The following CNBD1 variants were observed in gnomAD, a reference collection of about 807,000 sequenced individuals.
CNBD1 encodes cyclic nucleotide binding domain containing 1, also known as cyclic nucleotide-binding domain-containing protein 1.
A neutral mutation model predicts 54.4 loss-of-function variants in CNBD1; 71 were observed. The observed-to-expected ratio is 1.30, with a 90% CI of 1.08 to 1.59. CNBD1 has a LOEUF of 1.59. Among genes scored for constraint, CNBD1 ranks in the 40% most tolerant of loss-of-function variants. The pLI, the probability that CNBD1 is intolerant of heterozygous loss-of-function variation, is 0.00. For synonymous variants in CNBD1, 182 were observed against 170.7 expected (o/e 1.07, Z -0.51); for missense variants, 659 against 518.0 (o/e 1.27, Z -2.64).
chr8:87,417,898 A>G (rs1807862512), intron 2 of CNBD1, among the ~76,000 whole-genome samples: 1 of 107,262 alleles, frequency 9.3e-6, no homozygotes, highest in Non-Finnish European at 1.8e-5. Context: ...TTATTGAAAT[A>G]AATTAGAGAA....
At chr8:87,147,661 T>C (rs1812518107) in intron 4 of CNBD1, among the ~76,000 whole-genome samples, 1 of 152,178 alleles carries the variant, frequency 6.6e-6, no homozygotes, top group Non-Finnish European at 1.5e-5. Context: ...GTAATTTATT[T>C]CTGTCTAGTC....
chr8:87,326,272 A>G (rs1475561120), intron 8 of CNBD1, among the ~76,000 whole-genome samples: 1 of 122,466 alleles, frequency 8.2e-6, no homozygotes, highest in Non-Finnish European at 1.8e-5. Context: ...GAATCTGACA[A>G]TGATGTGTCT....
At chr8:86,879,480 G>C (rs1808571180) in intron 1 of CNBD1, among the ~76,000 whole-genome samples, 1 of 152,150 alleles carries the variant, frequency 6.6e-6, no homozygotes, top group Non-Finnish European at 1.5e-5. Flanking sequence ...CTAAAAGTAT[G>C]GATGAGTTTT....
intron 2 of CNBD1, among the ~76,000 whole-genome samples, chr8:86,892,243 G>T (rs1285107463): frequency 2.0e-5 from 3 of 151,892 alleles, no homozygotes; most frequent in Non-Finnish European, 4.4e-5. Flanking sequence ...TCTGTTGAGG[G>T]TTTTTATTAT....
Position 87,284,701 on chromosome 8 carries a change from G to A in CNBD1, c.795G>A (p.Gly265=), listed in dbSNP as rs1241962184. 3 of 1,605,792 alleles carry A rather than the reference G, an allele frequency of 1.9e-6. No homozygotes were observed. The highest frequency in any genetic ancestry group is 2.6e-6 in the Non-Finnish European group (3 of 1,176,442). The change falls in exon 7 of 11, where the codon GGG becomes GGA. Residue 265 remains glycine, a synonymous_variant. Coordinates refer to ENST00000518476, the MANE Select transcript of CNBD1 (RefSeq NM_173538.3). ...DSMLSKWSTF[G]TLEVMPQNES... ...AGCTTAGCAAATGGAGTACCTTTGG[G>A]ACTCTGGAAGTTATGCCTCAGAATG...
chr8:86,929,121 T>C (rs1809415198), intron 3 of CNBD1, among the ~76,000 whole-genome samples: 1 of 152,196 alleles, frequency 6.6e-6, no homozygotes, highest in Non-Finnish European at 1.5e-5. Context: ...CCAATGGTTT[T>C]CTTCTGCCTT....
chr8:86,953,050 G>A (rs868408226), intron 4 of CNBD1, among the ~76,000 whole-genome samples: 1 of 152,146 alleles, frequency 6.6e-6, no homozygotes, highest in African/African-American at 2.4e-5. Context: ...GATCCATGTT[G>A]TGTTGCATAA....
At chr8:86,968,004 GTGGGCC>G (rs1016529372) in intron 4 of CNBD1, among the ~76,000 whole-genome samples, 46 of 152,230 alleles carry the variant, frequency 3.0e-4, no homozygotes, top group African/African-American at 1.1e-3. Context: ...TGGTGAGCTT[GTGGGCC>G]TGGACTGGGA....
intron 8 of CNBD1, among the ~76,000 whole-genome samples, chr8:87,328,451 T>C (rs1809740907): frequency 6.6e-6 from 1 of 152,014 alleles, no homozygotes; most frequent in Non-Finnish European, 1.5e-5. Context: ...TAATTTTTTT[T>C]CTGGGCTTTT....
At chr8:86,892,099 AAAG>A (rs1182934558) in intron 2 of CNBD1, among the ~76,000 whole-genome samples, 2 of 152,134 alleles carry the variant, frequency 1.3e-5, no homozygotes, top group South Asian at 2.1e-4. Flanking sequence ...ACTGTGTTGA[AAAG>A]AAGTAGTGAA....
rs574510955 is a variant in CNBD1, at chr8:86,943,600, AGG to A, written c.431+3847_431+3848del. On this transcript the variant is annotated intron_variant, in intron 4 of 10. Transcript: ENST00000518476. ...AATCATGGGGGTGGTGCCACCATAA[AGG>A]AGAGATTTGAGCAACCAGAGGATTA... Among the ~76,000 whole-genome samples, 659 of 152,216 alleles carry A rather than the reference AGG, an allele frequency of 4.3e-3. 10 individuals are homozygous for A. Among genetic ancestry groups the A allele is most frequent in the African/African-American group, 0.015 (641 of 41,550 alleles).
rs143372792 is a variant in CNBD1 at position 87,320,623 on chromosome 8, G to GGA, written c.1043-31061_1043-31060insAG. On this transcript the variant is annotated intron_variant, in intron 8 of 10. Coordinates refer to ENST00000518476, the MANE Select transcript of CNBD1 (RefSeq NM_173538.3). ...GTGTATGTGCACGTGTGTGTGTGGG[G>GGA]GGGCGGCTCAGGGTACATTTAGATG... 5.9e-3 allele frequency among the ~76,000 whole-genome samples: 869 copies of GGA among 148,132 alleles called. 10 individuals carry two copies. Among genetic ancestry groups the GGA allele is most frequent in the African/African-American group, 0.021 (829 of 39,698 alleles).
At chr8:87,123,652 GA>G (rs1811933372) in intron 4 of CNBD1, among the ~76,000 whole-genome samples, 1 of 151,316 alleles carries the variant, frequency 6.6e-6, no homozygotes, top group South Asian at 2.1e-4. Context: ...GCAAAAACAA[GA>G]AAATAGTAAA....
At chr8:86,962,594 G>A (rs1807958792) in intron 4 of CNBD1, among the ~76,000 whole-genome samples, 1 of 152,018 alleles carries the variant, frequency 6.6e-6, no homozygotes, top group Non-Finnish European at 1.5e-5. Flanking sequence ...GACCATCCTG[G>A]CTAACACGGT....
At chr8:87,064,340 T>C (rs1398614474) in intron 4 of CNBD1, among the ~76,000 whole-genome samples, 2 of 151,988 alleles carry the variant, frequency 1.3e-5, no homozygotes, top group Non-Finnish European at 1.5e-5. Flanking sequence ...TATCCAATTT[T>C]CAGCTTAAAA....
At chr8:86,975,842 C>T (rs1257135741) in intron 4 of CNBD1, among the ~76,000 whole-genome samples, 3 of 151,978 alleles carry the variant, frequency 2.0e-5, no homozygotes, top group East Asian at 1.9e-4. Flanking sequence ...TATATTACCA[C>T]CAGCAACGTA....
At chr8:87,080,426 G>A (rs1190509987) in intron 4 of CNBD1, among the ~76,000 whole-genome samples, 3 of 151,934 alleles carry the variant, frequency 2.0e-5, no homozygotes, top group South Asian at 2.1e-4. Flanking sequence ...TACTAATAAC[G>A]CAAAAATTAG....
At chr8:87,317,890 T>C (rs1207751171) in intron 8 of CNBD1, among the ~76,000 whole-genome samples, 4 of 152,004 alleles carry the variant, frequency 2.6e-5, no homozygotes, top group Non-Finnish European at 5.9e-5. Context: ...TATGTGTATA[T>C]ACTTGATTTT....
chr8:87,426,406 A>G (rs571304871), intron 2 of CNBD1, among the ~76,000 whole-genome samples: 6 of 152,354 alleles, frequency 3.9e-5, no homozygotes, highest in African/African-American at 1.2e-4. Flanking sequence ...TAAGGTTGGT[A>G]TAAAAACTTG....
Sources: allele counts gnomAD v4.1 joint callset (sites outside exome capture counted in the v4.1 genomes callset), GRCh38; gene constraint gnomAD v4.1.1; transcripts MANE v1.5; gene names NCBI Gene and HGNC (gene_info 2026-07-23, HGNC 2026-07-21).